Variants in ENTREP2 observed in about 807,000 individuals in gnomAD.
ENTREP2 encodes the protein endosomal transmembrane epsin interactor 2.
At chr15:29,326,402 T>C in the ENTREP2 span, among the ~76,000 whole-genome samples, 1 of 152,078 alleles carries the variant, frequency 6.6e-6, no homozygotes. Context: ...TATACAAAAG[T>C]CAATTGCTTT....
the ENTREP2 span, chr15:29,375,041 C>A: frequency 5.3e-5 from 8 of 152,214 alleles, no homozygotes; most frequent in Non-Finnish European, 7.4e-5. Flanking sequence ...GTGCTGGATA[C>A]TTTTGTATTC....
the ENTREP2 span, chr15:29,269,954 A>G: frequency 6.6e-6 from 3 of 455,520 alleles, no homozygotes; most frequent in South Asian, 1.4e-4. Flanking sequence ...TTTTTAGTAT[A>G]GTGAAGTGTT....
the ENTREP2 span, chr15:29,376,104 G>C: frequency 6.6e-6 from 1 of 151,610 alleles, no homozygotes; most frequent in Admixed American, 6.6e-5. Context: ...AAAAAAAACT[G>C]TCCTAAACTG....
At chr15:29,570,779 G>GCCT in the ENTREP2 span, 665 of 795,010 alleles carry the variant, frequency 8.4e-4, 5 homozygotes, top group African/African-American at 0.012. Context: ...GCGCGCCGCC[G>GCCT]CCTCTCCTCA....
chr15:29,382,753 G>A, the ENTREP2 span, among the ~76,000 whole-genome samples: 2 of 152,158 alleles, frequency 1.3e-5, no homozygotes, highest in Admixed American at 6.5e-5. Flanking sequence ...CAGGCAACCT[G>A]AGGATGACAC....
At chr15:29,390,302 G>T in the ENTREP2 span, among the ~76,000 whole-genome samples, 2 of 151,994 alleles carry the variant, frequency 1.3e-5, no homozygotes, top group African/African-American at 4.8e-5. Flanking sequence ...TGAAATTACC[G>T]CATCATGAAA....
chr15:29,126,007 T>A, the ENTREP2 span, among the ~76,000 whole-genome samples: 1 of 152,142 alleles, frequency 6.6e-6, no homozygotes, highest in African/African-American at 2.4e-5. Flanking sequence ...GCAGCACTTA[T>A]AGCTAATGTC....
chr15:29,410,172 T>C, the ENTREP2 span, among the ~76,000 whole-genome samples: 1 of 152,182 alleles, frequency 6.6e-6, no homozygotes, highest in Non-Finnish European at 1.5e-5. Context: ...CCTAGATGCT[T>C]GTGGAATCCC....
chr15:29,189,455 AT>A, the ENTREP2 span, among the ~76,000 whole-genome samples: 1 of 151,290 alleles, frequency 6.6e-6, no homozygotes. Context: ...AGAGACAAAG[AT>A]AAGAAAGCAC....
At chr15:29,279,008 T>C in the ENTREP2 span, among the ~76,000 whole-genome samples, 8,301 of 152,278 alleles carry the variant, frequency 0.055, 700 homozygotes, top group African/African-American at 0.17. Flanking sequence ...TCTGTGCATG[T>C]ACATCCCTGG....
the ENTREP2 span, among the ~76,000 whole-genome samples, chr15:29,189,308 G>T: frequency 1.3e-5 from 2 of 152,168 alleles, no homozygotes; most frequent in Admixed American, 6.5e-5. Context: ...CACCCAGCTG[G>T]TGTCTGCTGG....
At chr15:29,257,461 G>A in the ENTREP2 span, among the ~76,000 whole-genome samples, 1 of 152,148 alleles carries the variant, frequency 6.6e-6, no homozygotes, top group Admixed American at 6.6e-5. Context: ...GTGTTGCAAC[G>A]AACTGCCTTG....
At chr15:29,297,224 G>A in the ENTREP2 span, among the ~76,000 whole-genome samples, 2 of 152,100 alleles carry the variant, frequency 1.3e-5, no homozygotes, top group African/African-American at 4.8e-5. Context: ...ATTCACTAGA[G>A]AATAAGTTTC....
the ENTREP2 span, among the ~76,000 whole-genome samples, chr15:29,651,196 G>A: frequency 6.6e-6 from 1 of 152,166 alleles, no homozygotes; most frequent in African/African-American, 2.4e-5. Flanking sequence ...TAATTGATTG[G>A]AGCTTGCTTC....
chr15:29,654,677 T>G, the ENTREP2 span, among the ~76,000 whole-genome samples: 13 of 152,202 alleles, frequency 8.5e-5, no homozygotes, highest in Admixed American at 8.5e-4. Context: ...AAAATTCCTA[T>G]TGCCATGGTA....
the ENTREP2 span, among the ~76,000 whole-genome samples, chr15:29,261,181 C>A: frequency 6.6e-6 from 1 of 152,094 alleles, no homozygotes; most frequent in African/African-American, 2.4e-5. Flanking sequence ...TCAAGACCAG[C>A]CTGAGATACA....
At chr15:29,195,353 C>G in the ENTREP2 span, 10 of 984,222 alleles carry the variant, frequency 1.0e-5, no homozygotes, top group Non-Finnish European at 1.2e-5. Context: ...ATCACAAGCA[C>G]TCAAGGTCAA....
the ENTREP2 span, among the ~76,000 whole-genome samples, chr15:29,311,595 C>A: frequency 2.0e-5 from 3 of 152,148 alleles, no homozygotes; most frequent in African/African-American, 7.2e-5. Context: ...GAGGCTGAGG[C>A]AGGAGAGTCG....
chr15:29,249,424 T>C, the ENTREP2 span, among the ~76,000 whole-genome samples: 1 of 152,326 alleles, frequency 6.6e-6, no homozygotes, highest in Admixed American at 6.5e-5. Flanking sequence ...CATACATGCA[T>C]GCATACCCAT....
Sources: gnomAD v4.1 joint callset for allele counts (sites outside exome capture counted in the v4.1 genomes callset) on GRCh38, gnomAD v4.1.1 for gene constraint, MANE v1.5 for transcripts, NCBI Gene and HGNC (gene_info 2026-07-23, HGNC 2026-07-21) for gene names.